Variants in EYS observed in about 807,000 individuals in gnomAD.
EYS encodes the protein protein eyes shut homolog.
Under a neutral mutation model 282.1 loss-of-function variants are expected in EYS, and 250 were observed. The observed-to-expected ratio is 0.89, with a 90% CI of 0.80 to 0.98. EYS has a LOEUF of 0.98. Ranked by LOEUF, EYS falls within the 50% of genes least tolerant of loss-of-function variation. The probability of loss-of-function intolerance (pLI) is 0.00; values close to 1 mark genes in which losing one functional copy is unlikely to be tolerated. For synonymous variants in EYS, 1,355 were observed against 1,282.9 expected (o/e 1.06, Z -1.20); for missense variants, 4,016 against 3,709.0 (o/e 1.08, Z -2.15).
At chr6:64,693,714 C>T (rs887346582) in intron 22 of EYS, among the ~76,000 whole-genome samples, 4 of 151,932 alleles carry the variant, frequency 2.6e-5, no homozygotes, top group East Asian at 1.9e-4. Flanking sequence ...GGGTTGGGAA[C>T]GTTCTTAGGT....
chr6:64,349,725 T>C (rs887098684), intron 29 of EYS, among the ~76,000 whole-genome samples: 1 of 151,486 alleles, frequency 6.6e-6, no homozygotes, highest in African/African-American at 2.4e-5. Flanking sequence ...AAACTTAAAC[T>C]GTCTGCAATT....
At position 65,380,109 on chromosome 6, in the gene EYS, G is replaced by GA. The variant is rs533339574; in HGVS notation, c.1299+4276dup. ...TCCATCGACTTTCTTCACAGAACTA[G>GA]AAAAAAATACTTTAAATTTCATATG... On this transcript the variant is annotated intron_variant, in intron 8 of 42. Coordinates refer to ENST00000503581, the MANE Select transcript of EYS (RefSeq NM_001142800.2). Among the ~76,000 whole-genome samples, 422 of 151,580 alleles carry GA rather than the reference G, an allele frequency of 2.8e-3. 3 individuals are homozygous for GA. The highest frequency in any genetic ancestry group is 9.0e-3 in the African/African-American group (372 of 41,342).
intron 26 of EYS, among the ~76,000 whole-genome samples, chr6:64,440,411 T>C (rs533508842): frequency 6.6e-6 from 1 of 152,010 alleles, no homozygotes. Context: ...GGAAATAAGG[T>C]TCAAAATAGT....
At chr6:64,309,981 C>T (rs2150377680) in intron 29 of EYS, among the ~76,000 whole-genome samples, 1 of 144,308 alleles carries the variant, frequency 6.9e-6, no homozygotes, top group East Asian at 2.0e-4. Flanking sequence ...AAAAAATGCT[C>T]AACATCACTA....
At chr6:65,122,427 G>A (rs1240489631) in intron 12 of EYS, among the ~76,000 whole-genome samples, 1 of 152,014 alleles carries the variant, frequency 6.6e-6, no homozygotes, top group Non-Finnish European at 1.5e-5. Context: ...ACATAATAAG[G>A]TGAAAGTTAT....
rs1769270123 is a variant in EYS, at chr6:64,945,852, C to G, written c.2322G>C (p.Glu774Asp). ...EGNFCEQESNECKMNPCKNNS... is the reference protein window; with the variant it reads ...EGNFCEQESNDCKMNPCKNNS... ...TGTTCTTGCAAGGATTCATTTTACACTCATTGGATTCTTGTTCACAAAAAT... is the reference window on the plus strand; with the variant it reads ...TGTTCTTGCAAGGATTCATTTTACAGTCATTGGATTCTTGTTCACAAAAAT... The change falls in exon 15 of 43, where the codon GAG becomes GAC. Residue 774 changes from glutamate to aspartate, a missense_variant. Physicochemically the swap from Glu to Asp is conservative, Grantham distance 45. Coordinates refer to ENST00000503581, the MANE Select transcript of EYS (RefSeq NM_001142800.2). 1 of 1,549,388 alleles carries G rather than the reference C, an allele frequency of 6.5e-7. No individual in the cohort carries two copies. Among genetic ancestry groups the G allele is most frequent in the South Asian group, 1.2e-5 (1 of 83,996 alleles).
intron 42 of EYS, among the ~76,000 whole-genome samples, chr6:63,722,740 A>G (rs537530204): frequency 3.3e-5 from 5 of 152,122 alleles, no homozygotes; most frequent in Non-Finnish European, 7.4e-5. Flanking sequence ...TCCTCCCTCC[A>G]GAGTGCCTAT....
At chr6:65,613,174 G>A (rs535949826) in intron 2 of EYS, among the ~76,000 whole-genome samples, 13 of 151,840 alleles carry the variant, frequency 8.6e-5, no homozygotes, top group African/African-American at 3.1e-4. Context: ...GAATATAACA[G>A]TACATGCAAA....
chr6:64,411,088 G>A (rs866961713), intron 28 of EYS, among the ~76,000 whole-genome samples: 6 of 152,066 alleles, frequency 3.9e-5, no homozygotes, highest in South Asian at 2.1e-4. Flanking sequence ...ATAATCAGGA[G>A]AGAAACACTG....
At chr6:64,345,003 G>C (rs1771315811) in intron 29 of EYS, among the ~76,000 whole-genome samples, 1 of 151,998 alleles carries the variant, frequency 6.6e-6, no homozygotes. Context: ...GTATGTGAAG[G>C]ACCTCTTCAA....
chr6:65,434,647 A>T (rs556736381), intron 5 of EYS, among the ~76,000 whole-genome samples: 62 of 152,268 alleles, frequency 4.1e-4, no homozygotes, highest in African/African-American at 1.5e-3. Flanking sequence ...GGAAAATTTT[A>T]AAATTGTCAC....
intron 12 of EYS, among the ~76,000 whole-genome samples, chr6:65,282,193 T>A (rs1768242770): frequency 2.0e-5 from 3 of 151,980 alleles, no homozygotes; most frequent in Admixed American, 6.6e-5. Flanking sequence ...AATAGAGTAT[T>A]AAATACATTT....
At chr6:65,599,385 C>T (rs1421075159) in intron 2 of EYS, among the ~76,000 whole-genome samples, 2 of 152,034 alleles carry the variant, frequency 1.3e-5, no homozygotes, top group Non-Finnish European at 2.9e-5. Flanking sequence ...CCACATTTAT[C>T]TCTATTGGCT....
At chr6:64,787,015 G>T (rs1774043966) in intron 22 of EYS, among the ~76,000 whole-genome samples, 3 of 152,266 alleles carry the variant, frequency 2.0e-5, no homozygotes, top group African/African-American at 7.2e-5. Flanking sequence ...GTAGAGTTTG[G>T]CAATAGCATG....
At chr6:64,708,483 C>T (rs540017066) in intron 22 of EYS, among the ~76,000 whole-genome samples, 1 of 152,252 alleles carries the variant, frequency 6.6e-6, no homozygotes, top group Non-Finnish European at 1.5e-5. Context: ...GATAAAACTA[C>T]CTCATTTTGT....
At chr6:64,558,858 G>A (rs1470119016) in intron 26 of EYS, among the ~76,000 whole-genome samples, 3 of 151,980 alleles carry the variant, frequency 2.0e-5, no homozygotes, top group East Asian at 1.9e-4. Flanking sequence ...TTTTTAACAT[G>A]GCCTTGTTGC....
intron 33 of EYS, among the ~76,000 whole-genome samples, chr6:64,044,224 T>C (rs1303343104): frequency 1.3e-5 from 2 of 152,254 alleles, no homozygotes; most frequent in Non-Finnish European, 2.9e-5. Flanking sequence ...TTTTATGCTG[T>C]TGCAGGTCCT....
chr6:65,401,139 T>C (rs1365774861), intron 7 of EYS, among the ~76,000 whole-genome samples: 5 of 151,908 alleles, frequency 3.3e-5, no homozygotes, highest in African/African-American at 4.8e-5. Flanking sequence ...AAAACATACC[T>C]CATAAGTTAG....
intron 35 of EYS, among the ~76,000 whole-genome samples, chr6:63,975,577 G>A (rs547344906): frequency 3.9e-5 from 6 of 152,100 alleles, no homozygotes; most frequent in African/African-American, 1.4e-4. Flanking sequence ...ATTTGCATAA[G>A]TACTTTTTTG....
Sources: allele counts gnomAD v4.1 joint callset (sites outside exome capture counted in the v4.1 genomes callset), GRCh38; gene constraint gnomAD v4.1.1; transcripts MANE v1.5; gene names NCBI Gene and HGNC (gene_info 2026-07-23, HGNC 2026-07-21).